Variants in PLAAT3 observed in about 807,000 individuals in gnomAD.
The protein encoded by PLAAT3 is Ca-independent phospholipase A1/2.
PLAAT3 carries 21 observed loss-of-function variants against 16.7 expected under a neutral mutation model. That is an observed-to-expected ratio of 1.26 (90% confidence interval 0.89 to 1.81). PLAAT3 has a LOEUF of 1.81. Ranked by LOEUF, PLAAT3 falls within the 40% of genes most tolerant of loss-of-function variation. The pLI, the probability that PLAAT3 is intolerant of heterozygous loss-of-function variation, is 0.00. For missense variants in PLAAT3, 219 were observed against 213.7 expected (o/e 1.02, Z -0.16); for synonymous variants, 76 against 81.7 (o/e 0.93, Z 0.38).
chr11:63,582,590 A>G (rs559798367), intron 4 of PLAAT3, among the ~76,000 whole-genome samples: 117 of 152,298 alleles, frequency 7.7e-4, no homozygotes, highest in African/African-American at 2.5e-3. Flanking sequence ...CAAAACAGAA[A>G]GGAAACTATC....
chr11:63,590,084 CA>C lies in PLAAT3; in HGVS notation c.387+15del, dbSNP rs1565250304. The C allele has an allele frequency of 6.2e-7, 1 of 1,607,924 alleles. No homozygotes were observed. The highest frequency in any genetic ancestry group is 8.5e-7 in the Non-Finnish European group (1 of 1,175,744). On this transcript the variant is annotated intron_variant, in intron 4 of 4. Transcript: ENST00000415826. ...GGTCTGGTTCCTGGGGAAGGCGACACAGGCAGAGGACGCACCTGGTCACTGC... is the reference window on the plus strand; with the variant it reads ...GGTCTGGTTCCTGGGGAAGGCGACACGGCAGAGGACGCACCTGGTCACTGC...
At chr11:63,585,728 A>T (rs190434143) in intron 4 of PLAAT3, among the ~76,000 whole-genome samples, 63 of 152,234 alleles carry the variant, frequency 4.1e-4, no homozygotes, top group Admixed American at 9.2e-4. Flanking sequence ...CTGTTGTGTT[A>T]TCATTGTTTT....
intron 2 of PLAAT3, among the ~76,000 whole-genome samples, chr11:63,611,199 C>CGA (rs1938684236): frequency 6.6e-6 from 1 of 151,894 alleles, no homozygotes; most frequent in African/African-American, 2.4e-5. Context: ...CCTCGACCTC[C>CGA]CGGGCTCAAG....
chr11:63,610,505 C>T (rs1391665112), intron 2 of PLAAT3, among the ~76,000 whole-genome samples: 1 of 152,214 alleles, frequency 6.6e-6, no homozygotes, highest in Non-Finnish European at 1.5e-5. Flanking sequence ...GAGGGATGCA[C>T]GGCTTCCTCC....
intron 4 of PLAAT3, among the ~76,000 whole-genome samples, chr11:63,575,627 A>G (rs2017649188): frequency 6.6e-6 from 1 of 152,226 alleles, no homozygotes; most frequent in African/African-American, 2.4e-5. Flanking sequence ...TAGTAGGAAA[A>G]AAAGTGTTTC....
At chr11:63,602,107 G>T (rs1429339680) in intron 2 of PLAAT3, among the ~76,000 whole-genome samples, 1 of 151,716 alleles carries the variant, frequency 6.6e-6, no homozygotes, top group Non-Finnish European at 1.5e-5. Context: ...GGCCAATATG[G>T]TGAAACCCCC....
chr11:63,581,016 A>G (rs1937797889), intron 4 of PLAAT3, among the ~76,000 whole-genome samples: 1 of 152,230 alleles, frequency 6.6e-6, no homozygotes, highest in Admixed American at 6.5e-5. Context: ...TGTCATGGAC[A>G]TTTATCACTT....
At chr11:63,580,153 G>T (rs543517365) in intron 4 of PLAAT3, among the ~76,000 whole-genome samples, 10 of 152,270 alleles carry the variant, frequency 6.6e-5, no homozygotes, top group African/African-American at 2.4e-4. Flanking sequence ...AGAGAGACTG[G>T]AAGGGAATCT....
intron 3 of PLAAT3, among the ~76,000 whole-genome samples, chr11:63,595,118 C>T (rs1938254802): frequency 1.3e-5 from 2 of 151,790 alleles, no homozygotes; most frequent in South Asian, 2.1e-4. Context: ...TGGTGAAATC[C>T]CATCTCTACT....
At chr11:63,576,689 A>T (rs2017666366) in intron 4 of PLAAT3, among the ~76,000 whole-genome samples, 1 of 152,218 alleles carries the variant, frequency 6.6e-6, no homozygotes, top group Admixed American at 6.5e-5. Flanking sequence ...TATACATTAG[A>T]GGCCAGTATA....
intron 2 of PLAAT3, among the ~76,000 whole-genome samples, chr11:63,602,720 G>A (rs963458465): frequency 6.6e-6 from 1 of 151,990 alleles, no homozygotes; most frequent in African/African-American, 2.4e-5. Context: ...CATTTACATT[G>A]TGTCTACCCT....
rs1261308131 is a variant in PLAAT3, at chr11:63,574,942, C to G, written c.*3G>C. ...TCATCGCTGACAGGACAGTCTTTTTCAGTTATTGCTTTTGTCGCTTGTTTC... is the reference window on the plus strand; with the variant it reads ...TCATCGCTGACAGGACAGTCTTTTTGAGTTATTGCTTTTGTCGCTTGTTTC... On this transcript the variant is annotated 3_prime_UTR_variant, in exon 5 of 5. Transcript: ENST00000415826. 6.3e-7 allele frequency: 1 copy of G among 1,575,064 alleles called. No homozygotes were observed. The highest frequency in any genetic ancestry group is 1.1e-5 in the South Asian group (1 of 90,292).
intron 4 of PLAAT3, among the ~76,000 whole-genome samples, chr11:63,581,379 G>T (rs751769380): frequency 7.9e-5 from 12 of 152,112 alleles, no homozygotes; most frequent in Non-Finnish European, 1.5e-4. Context: ...CATTCCTGGG[G>T]GTAGGTCTAT....
intron 4 of PLAAT3, among the ~76,000 whole-genome samples, chr11:63,587,248 A>G (rs1269703383): frequency 6.6e-6 from 1 of 152,206 alleles, no homozygotes; most frequent in Non-Finnish European, 1.5e-5. Context: ...GGCACAATAC[A>G]TGAAAATAGA....
chr11:63,605,902 C>G (rs2134428073), intron 2 of PLAAT3, among the ~76,000 whole-genome samples: 1 of 152,206 alleles, frequency 6.6e-6, no homozygotes, highest in Middle Eastern at 3.4e-3. Context: ...GAGGGAGTCC[C>G]AAGCGATGTC....
intron 3 of PLAAT3, among the ~76,000 whole-genome samples, chr11:63,593,065 C>G (rs927468267): frequency 6.6e-6 from 1 of 152,338 alleles, no homozygotes; most frequent in African/African-American, 2.4e-5. Context: ...ACCACACACA[C>G]CTGCTCAGTG....
At chr11:63,595,753 C>T (rs1408367259) in intron 3 of PLAAT3, among the ~76,000 whole-genome samples, 2 of 152,022 alleles carry the variant, frequency 1.3e-5, no homozygotes, top group South Asian at 2.1e-4. Context: ...TTTTACAATA[C>T]TTATGTTATA....
intron 2 of PLAAT3, 101 bp from the exon 3 acceptor site, chr11:63,598,264 C>T (rs1216260185): frequency 5.3e-6 from 4 of 761,890 alleles, no homozygotes; most frequent in Non-Finnish European, 9.3e-6. Context: ...CAGCTATCAG[C>T]TCAGCAGAAC....
intron 2 of PLAAT3, among the ~76,000 whole-genome samples, chr11:63,606,461 C>CACACACACACACCT (rs1938567318): frequency 6.7e-6 from 1 of 149,010 alleles, no homozygotes; most frequent in Non-Finnish European, 1.5e-5. Flanking sequence ...CACACACACA[C>CACACACACACACCT]ACCTTAGTAA....
Sources: gnomAD v4.1 joint callset for allele counts (sites outside exome capture counted in the v4.1 genomes callset) on GRCh38, gnomAD v4.1.1 for gene constraint, MANE v1.5 for transcripts, NCBI Gene and HGNC (gene_info 2026-07-23, HGNC 2026-07-21) for gene names.